The following DIAPH2 variants were observed in gnomAD, a reference collection of about 807,000 sequenced individuals.
The protein encoded by DIAPH2 is protein diaphanous homolog 2.
DIAPH2 carries 35 observed loss-of-function variants against 92.7 expected under a neutral mutation model. That is an observed-to-expected ratio of 0.38 (90% CI 0.29 to 0.50). The LOEUF (loss-of-function observed/expected upper bound fraction) is 0.50. Among genes scored for constraint, DIAPH2 ranks in the 20% least tolerant of loss-of-function variants. DIAPH2 has a pLI of 0.94. For missense variants in DIAPH2, 701 were observed against 819.5 expected (o/e 0.86, Z 1.77); for synonymous variants, 301 against 280.4 (o/e 1.07, Z -0.73).
At chrX:97,015,486 C>G (rs2066253950) in intron 17 of DIAPH2, among the ~76,000 whole-genome samples, 1 of 111,668 alleles carries the variant, frequency 9.0e-6, no homozygotes, top group Non-Finnish European at 1.9e-5. Context: ...GACCTGCCTT[C>G]TGACAATCCT....
chrX:97,230,841 C>T (rs973949272), intron 22 of DIAPH2, among the ~76,000 whole-genome samples: 1 of 112,446 alleles, frequency 8.9e-6, no homozygotes, highest in Non-Finnish European at 1.9e-5. Flanking sequence ...GCCACCAAGC[C>T]TGGCCAGTTT....
chrX:96,814,020 A>T (rs965728441), intron 4 of DIAPH2, among the ~76,000 whole-genome samples: 2 of 110,580 alleles, frequency 1.8e-5, no homozygotes, highest in Non-Finnish European at 3.8e-5. Context: ...GCTCTTCTCA[A>T]GGAGTATCTT....
At chrX:97,287,876 C>A (rs1401759996) in intron 23 of DIAPH2, among the ~76,000 whole-genome samples, 1 of 96,556 alleles carries the variant, frequency 1.0e-5, no homozygotes, top group Non-Finnish European at 2.0e-5. Context: ...TCACTTGAAC[C>A]CAGGAGGCAG....
At chrX:97,272,809 G>A (rs962380518) in intron 23 of DIAPH2, among the ~76,000 whole-genome samples, 10 of 112,207 alleles carry the variant, frequency 8.9e-5, no homozygotes, top group African/African-American at 2.9e-4. Flanking sequence ...CAAATAAAAG[G>A]CAGTATTCAC....
intron 26 of DIAPH2, among the ~76,000 whole-genome samples, chrX:97,494,761 T>C (rs1602627267): frequency 8.9e-6 from 1 of 112,281 alleles, no homozygotes; most frequent in Non-Finnish European, 1.9e-5. Flanking sequence ...GCACAATTCA[T>C]AGAGCCATGC....
intron 22 of DIAPH2, among the ~76,000 whole-genome samples, chrX:97,185,411 GTATATATATATGTATATATATATGTGTA>G (rs1569323178): frequency 7.5e-5 from 2 of 26,652 alleles, no homozygotes; most frequent in African/African-American, 4.6e-4. Flanking sequence ...ATATATATAT[GTATATATATATGTATATATATATGTGTA>G]TATATATATG....
chrX:96,794,603 C>A (rs1199896410), intron 4 of DIAPH2, among the ~76,000 whole-genome samples: 5 of 110,191 alleles, frequency 4.5e-5, no homozygotes, highest in Non-Finnish European at 9.5e-5. Context: ...TGTTGGAGAG[C>A]AAATTGGCAT....
At chrX:96,992,279 T>C (rs1402372496) in intron 17 of DIAPH2, among the ~76,000 whole-genome samples, 1 of 111,604 alleles carries the variant, frequency 9.0e-6, no homozygotes, top group Non-Finnish European at 1.9e-5. Context: ...ACTGGTTAGT[T>C]GGCATTAAAC....
chrX:96,761,041 T>C (rs1276127361), intron 4 of DIAPH2, among the ~76,000 whole-genome samples: 5 of 111,431 alleles, frequency 4.5e-5, no homozygotes, highest in African/African-American at 1.6e-4. Context: ...AACACCAGCA[T>C]ATGTTTTCAG....
intron 26 of DIAPH2, among the ~76,000 whole-genome samples, chrX:97,486,806 CTT>C (rs1361805175): frequency 9.0e-6 from 1 of 110,682 alleles, no homozygotes; most frequent in Non-Finnish European, 1.9e-5. Context: ...CTTATCAAAT[CTT>C]TAAGTGCACA....
intron 23 of DIAPH2, among the ~76,000 whole-genome samples, chrX:97,259,339 C>A (rs2068270859): frequency 9.0e-6 from 1 of 111,301 alleles, no homozygotes; most frequent in Admixed American, 9.6e-5. Context: ...AAAAAAAGAT[C>A]AAAAATGTTC....
intron 22 of DIAPH2, among the ~76,000 whole-genome samples, chrX:97,228,421 C>T (rs1430176516): frequency 9.0e-6 from 1 of 111,173 alleles, no homozygotes; most frequent in African/African-American, 3.3e-5. Context: ...GGAGAGAATT[C>T]ATATAGAAAA....
At chrX:96,901,532 GTTTTTTTTTTTTTTTTT>G (rs369526046) in intron 5 of DIAPH2, among the ~76,000 whole-genome samples, 1 of 33,083 alleles carries the variant, frequency 3.0e-5, no homozygotes, top group Non-Finnish European at 6.1e-5. Context: ...TTTTCTTTCT[GTTTTTTTTTTTTTTTTT>G]TTTTTTTTTT....
At chrX:97,038,087 C>G (rs2066423204) in intron 17 of DIAPH2, among the ~76,000 whole-genome samples, 1 of 111,438 alleles carries the variant, frequency 9.0e-6, no homozygotes, top group Non-Finnish European at 1.9e-5. Flanking sequence ...TTAGCTCCTA[C>G]TTATAAGTGA....
intron 23 of DIAPH2, among the ~76,000 whole-genome samples, chrX:97,251,456 G>A (rs1217161019): frequency 1.9e-5 from 2 of 106,983 alleles, no homozygotes; most frequent in Non-Finnish European, 3.9e-5. Flanking sequence ...TTTTGGAGAC[G>A]GAGCCTCACT....
chrX:96,834,267 G>A (rs989166289), intron 4 of DIAPH2, among the ~76,000 whole-genome samples: 3 of 111,382 alleles, frequency 2.7e-5, no homozygotes, highest in Non-Finnish European at 5.6e-5. Context: ...CTCAACTGGT[G>A]GGTATAAAGC....
chrX:97,401,587 A>C (rs1486359765), intron 25 of DIAPH2, among the ~76,000 whole-genome samples: 1 of 111,550 alleles, frequency 9.0e-6, no homozygotes, highest in Non-Finnish European at 1.9e-5. Flanking sequence ...AGTACTTCAG[A>C]TTCTTGCCAT....
At chrX:96,900,938 C>G (rs1008806607) in intron 5 of DIAPH2, among the ~76,000 whole-genome samples, 3 of 111,336 alleles carry the variant, frequency 2.7e-5, no homozygotes, top group South Asian at 3.7e-4. Context: ...TTTGTTACGT[C>G]CTTTCCTAGT....
chrX:97,428,816 TAG>T (rs2070097690), intron 25 of DIAPH2, among the ~76,000 whole-genome samples: 1 of 111,746 alleles, frequency 8.9e-6, no homozygotes, highest in Non-Finnish European at 1.9e-5. Flanking sequence ...CACAGTGTAA[TAG>T]AGACTTTCTG....
Sources: allele counts gnomAD v4.1 joint callset (sites outside exome capture counted in the v4.1 genomes callset), GRCh38; gene constraint gnomAD v4.1.1; transcripts MANE v1.5; gene names NCBI Gene and HGNC (gene_info 2026-07-23, HGNC 2026-07-21).